Variants in GRIN2B observed in about 807,000 individuals in gnomAD.
The protein encoded by GRIN2B is glutamate ionotropic receptor NMDA type subunit 2B, also known as glutamate receptor ionotropic, NMDA 2B.
Under a neutral mutation model 114.5 loss-of-function variants are expected in GRIN2B, and 5 were observed. The observed-to-expected ratio is 0.04, with a 90% CI of 0.02 to 0.09. GRIN2B has a LOEUF of 0.09. Ranked by LOEUF, GRIN2B falls within the 10% of genes least tolerant of loss-of-function variation. The probability of loss-of-function intolerance (pLI) is 1.00; values close to 1 mark genes in which losing one functional copy is unlikely to be tolerated. For synonymous variants in GRIN2B, 787 were observed against 745.1 expected, an observed-to-expected ratio of 1.06 and a Z score of -0.92; for missense variants, 1,108 against 1,943.5, an observed-to-expected ratio of 0.57 and a Z score of 8.08.
At chr12:13,904,712 T>A (rs1416526299) in intron 2 of GRIN2B, among the ~76,000 whole-genome samples, 2 of 152,140 alleles carry the variant, frequency 1.3e-5, no homozygotes, top group Non-Finnish European at 2.9e-5. Context: ...AAAAGACATT[T>A]TCACTGGTGT....
At chr12:13,953,356 G>A (rs1199490220) in intron 2 of GRIN2B, among the ~76,000 whole-genome samples, 6 of 152,160 alleles carry the variant, frequency 3.9e-5, no homozygotes, top group Non-Finnish European at 7.4e-5. Context: ...ACACCATGAT[G>A]TGCAGTAATG....
rs567862979 is a variant in GRIN2B at position 13,755,425 on chromosome 12, C to T, written c.412-1510G>A. On this transcript the variant is annotated intron_variant, in intron 3 of 13. Transcript: ENST00000609686. ...TTTCCACAGGCTACCCAGAATGAAACCCTGGATGTTTGGTCATATAGGAGT... is the reference window on the plus strand; with the variant it reads ...TTTCCACAGGCTACCCAGAATGAAATCCTGGATGTTTGGTCATATAGGAGT... Among the ~76,000 whole-genome samples, 19 of 152,200 alleles carry T rather than the reference C, an allele frequency of 1.2e-4. No individual in the cohort carries two copies. The South Asian group carries it at 3.9e-3, about 32-fold the overall frequency.
chr12:13,868,054 A>T (rs1181805456), intron 2 of GRIN2B, among the ~76,000 whole-genome samples: 1 of 152,188 alleles, frequency 6.6e-6, no homozygotes, highest in African/African-American at 2.4e-5. Context: ...TGCTGGGGAC[A>T]TTTTGTGGCT....
rs185349749 is a variant in GRIN2B at position 13,559,135 on chromosome 12, G to A, written c.*3648C>T. 63 of 152,282 alleles carry A rather than the reference G, an allele frequency of 4.1e-4. No individual in the cohort carries two copies. The highest frequency in any genetic ancestry group is 1.8e-3 in the Admixed American group (27 of 15,296). 9.4% of individuals were successfully genotyped at this position (152,282 alleles called of 1,614,324 possible). A position where few individuals can be genotyped will look rare whatever the true frequency, so the allele number is the denominator to read the frequency against. On this transcript the variant is annotated 3_prime_UTR_variant, in exon 14 of 14. Transcript: ENST00000609686. Reference sequence around the variant, plus strand: ...GAATTCTTCCTCATGCATTTTACTTGCTTGTTATTCTGGAATTAAGTAACA... The same window carrying A: ...GAATTCTTCCTCATGCATTTTACTTACTTGTTATTCTGGAATTAAGTAACA...
intron 4 of GRIN2B, among the ~76,000 whole-genome samples, chr12:13,742,651 A>C (rs1357108715): frequency 6.6e-6 from 1 of 152,128 alleles, no homozygotes; most frequent in Non-Finnish European, 1.5e-5. Flanking sequence ...GGCTGGTCTC[A>C]ACCCCCTGAC....
At chr12:13,767,195 G>A (rs1863810657) in intron 3 of GRIN2B, among the ~76,000 whole-genome samples, 2 of 149,560 alleles carry the variant, frequency 1.3e-5, no homozygotes, top group Admixed American at 1.3e-4. Context: ...GGGAGGCGGA[G>A]CTTGCAGTGA....
chr12:13,816,260 T>G (rs1864821263), intron 3 of GRIN2B, among the ~76,000 whole-genome samples: 1 of 152,138 alleles, frequency 6.6e-6, no homozygotes, highest in East Asian at 1.9e-4. Flanking sequence ...CCTACAGTAC[T>G]GTGGGACTTA....
rs529293290 is a variant in GRIN2B at position 13,695,392 on chromosome 12, C to T, written c.1011-19533G>A. On this transcript the variant is annotated intron_variant, in intron 4 of 13. Coordinates refer to ENST00000609686, the MANE Select transcript of GRIN2B (RefSeq NM_000834.5). ...TGAAAACAATGGTTTAAAGACTATG[C>T]TTGTTTTATAGAGAAGTAAGAACAT... Among the ~76,000 whole-genome samples the T allele has an allele frequency of 3.9e-5, 6 of 152,268 alleles. No individual in the cohort carries two copies. The South Asian group carries it at 6.2e-4, about 16-fold the overall frequency.
At chr12:13,760,344 G>C (rs1463657942) in intron 3 of GRIN2B, among the ~76,000 whole-genome samples, 3 of 152,148 alleles carry the variant, frequency 2.0e-5, no homozygotes, top group African/African-American at 7.2e-5. Context: ...TTTAAATGGG[G>C]TCATGGATGC....
chr12:13,903,649 C>T (rs1866493639), intron 2 of GRIN2B, among the ~76,000 whole-genome samples: 1 of 151,994 alleles, frequency 6.6e-6, no homozygotes, highest in Non-Finnish European at 1.5e-5. Context: ...GGTCAGTTTC[C>T]TAAATGTTCC....
chr12:13,616,794 A>G (rs1949449418), intron 5 of GRIN2B, 137 bp from the exon 6 acceptor site: 1 of 729,060 alleles, frequency 1.4e-6, no homozygotes, highest in East Asian at 2.6e-5. Flanking sequence ...TACTAGAGAT[A>G]GGAATACTTT....
At chr12:13,960,596 C>T (rs1479981881) in intron 2 of GRIN2B, among the ~76,000 whole-genome samples, 1 of 152,142 alleles carries the variant, frequency 6.6e-6, no homozygotes, top group Non-Finnish European at 1.5e-5. Flanking sequence ...AAGGCTCATA[C>T]TACCTAAGAA....
intron 11 of GRIN2B, among the ~76,000 whole-genome samples, chr12:13,571,356 G>A (rs1177022287): frequency 6.6e-6 from 1 of 152,148 alleles, no homozygotes; most frequent in Non-Finnish European, 1.5e-5. Context: ...AACACAAGCT[G>A]GCACTGGAGA....
intron 3 of GRIN2B, among the ~76,000 whole-genome samples, chr12:13,800,661 A>C (rs1416027106): frequency 6.6e-6 from 1 of 152,198 alleles, no homozygotes; most frequent in Admixed American, 6.5e-5. Context: ...CTTGTTCAGC[A>C]TACTGTTACA....
At chr12:13,758,890 G>A (rs1863626566) in intron 3 of GRIN2B, among the ~76,000 whole-genome samples, 1 of 151,602 alleles carries the variant, frequency 6.6e-6, no homozygotes, top group Non-Finnish European at 1.5e-5. Context: ...TAGATCCCTA[G>A]CTGACACATG....
chr12:13,595,942 G>A (rs905197088), intron 10 of GRIN2B, among the ~76,000 whole-genome samples: 1 of 152,024 alleles, frequency 6.6e-6, no homozygotes, highest in East Asian at 1.9e-4. Flanking sequence ...TGTATGTGCT[G>A]GTGTGTTTGC....
intron 2 of GRIN2B, among the ~76,000 whole-genome samples, chr12:13,940,894 CATG>C (rs959913746): frequency 1.2e-4 from 18 of 151,964 alleles, no homozygotes; most frequent in African/African-American, 4.1e-4. Flanking sequence ...CACCTTCCAA[CATG>C]ATGATTGAAA....
At chr12:13,655,578 T>C (rs536685168) in intron 5 of GRIN2B, among the ~76,000 whole-genome samples, 315 of 152,296 alleles carry the variant, frequency 2.1e-3, no homozygotes, top group African/African-American at 7.4e-3. Context: ...GCATAGTCTC[T>C]GGAATTCGAC....
intron 3 of GRIN2B, among the ~76,000 whole-genome samples, chr12:13,791,791 C>A (rs1333680227): frequency 1.3e-5 from 2 of 152,136 alleles, no homozygotes; most frequent in Non-Finnish European, 2.9e-5. Context: ...TAATATTTAT[C>A]TCTTCTTTAA....
Sources: gnomAD v4.1 joint callset for allele counts (sites outside exome capture counted in the v4.1 genomes callset) on GRCh38, gnomAD v4.1.1 for gene constraint, MANE v1.5 for transcripts, NCBI Gene and HGNC (gene_info 2026-07-23, HGNC 2026-07-21) for gene names.